Variants in NELL1 observed in about 807,000 individuals in gnomAD.
NELL1 encodes protein kinase C-binding protein NELL1.
A neutral mutation model predicts 107.4 loss-of-function variants in NELL1; 76 were observed. That is an observed-to-expected ratio of 0.71 (90% CI 0.59 to 0.86). NELL1 has a LOEUF of 0.86. Among genes scored for constraint, NELL1 ranks in the 40% least tolerant of loss-of-function variants. The pLI is 0.00. For missense variants in NELL1, 1,024 were observed against 1,005.5 expected (o/e 1.02, Z -0.25); for synonymous variants, 353 against 341.2 (o/e 1.03, Z -0.38).
At chr11:21,486,064 A>G (rs1340213336) in intron 15 of NELL1, among the ~76,000 whole-genome samples, 1 of 152,002 alleles carries the variant, frequency 6.6e-6, no homozygotes, top group Non-Finnish European at 1.5e-5. Context: ...TACTTCTGCC[A>G]TTGCCCACAA....
At chr11:21,113,749 C>T (rs1855161866) in intron 13 of NELL1, 35 bp downstream of exon 13, 1 of 1,602,208 alleles carries the variant, frequency 6.2e-7, no homozygotes, top group Non-Finnish European at 8.5e-7. Flanking sequence ...TTTTTTAATT[C>T]ATCCATTCTC....
At chr11:21,296,424 A>G (rs1456922943) in intron 14 of NELL1, among the ~76,000 whole-genome samples, 1 of 150,538 alleles carries the variant, frequency 6.6e-6, no homozygotes, top group African/African-American at 2.5e-5. Flanking sequence ...TCTGCATTAT[A>G]TGTATATATA....
intron 5 of NELL1, among the ~76,000 whole-genome samples, chr11:20,901,188 T>G (rs561174675): frequency 6.6e-6 from 1 of 152,180 alleles, no homozygotes; most frequent in African/African-American, 2.4e-5. Context: ...ATTGCCTATA[T>G]ATAAAAAATG....
intron 14 of NELL1, among the ~76,000 whole-genome samples, chr11:21,281,664 T>C (rs963433815): frequency 4.6e-5 from 7 of 151,916 alleles, no homozygotes; most frequent in African/African-American, 2.4e-5. Context: ...GCCACAGGGG[T>C]ACTTGTGTCA....
intron 14 of NELL1, among the ~76,000 whole-genome samples, chr11:21,336,277 A>G (rs1850393324): frequency 6.6e-6 from 1 of 152,012 alleles, no homozygotes; most frequent in Non-Finnish European, 1.5e-5. Context: ...TTAGCCAGGA[A>G]CTGTGCTAAG....
rs947540007 is a variant in NELL1 at position 21,034,058 on chromosome 11, T to C, written c.1300+73498T>C. Among the ~76,000 whole-genome samples, 17 of 152,344 alleles carry C rather than the reference T, an allele frequency of 1.1e-4. No individual in the cohort carries two copies. The East Asian group carries it at 3.1e-3, about 28-fold the overall frequency. ...TTTTTGTTTTTATTGCAGTTGCTTT[T>C]GGTGTCTTCATTATGAAACCTTTGC... On this transcript the variant is annotated intron_variant, in intron 12 of 19. Transcript: ENST00000357134.
intron 2 of NELL1, among the ~76,000 whole-genome samples, chr11:20,770,316 A>G (rs1856615107): frequency 6.6e-6 from 1 of 152,226 alleles, no homozygotes; most frequent in Non-Finnish European, 1.5e-5. Flanking sequence ...TACAGTCAGA[A>G]TAACATCTCT....
chr11:20,747,053 T>C (rs1171906922), intron 2 of NELL1, among the ~76,000 whole-genome samples: 1 of 152,190 alleles, frequency 6.6e-6, no homozygotes, highest in Non-Finnish European at 1.5e-5. Context: ...TGTTCACAAT[T>C]ACATGCCTGA....
intron 3 of NELL1, among the ~76,000 whole-genome samples, chr11:20,828,426 G>C (rs1857931641): frequency 6.6e-6 from 1 of 152,144 alleles, no homozygotes; most frequent in Non-Finnish European, 1.5e-5. Flanking sequence ...CCAGAAGAGA[G>C]TTAATAATTG....
chr11:21,055,393 G>A (rs1047087046), intron 12 of NELL1, among the ~76,000 whole-genome samples: 2 of 151,904 alleles, frequency 1.3e-5, no homozygotes, highest in African/African-American at 4.8e-5. Flanking sequence ...AATTGCATTA[G>A]ATTTATAAAT....
At chr11:21,174,353 A>G (rs1442816017) in intron 13 of NELL1, among the ~76,000 whole-genome samples, 1 of 151,898 alleles carries the variant, frequency 6.6e-6, no homozygotes, top group East Asian at 1.9e-4. Flanking sequence ...GTCTTCTAAC[A>G]TTTTAAGCTT....
chr11:20,756,061 T>A (rs1856278662), intron 2 of NELL1, among the ~76,000 whole-genome samples: 1 of 150,832 alleles, frequency 6.6e-6, no homozygotes, highest in Non-Finnish European at 1.5e-5. Context: ...CCCGGCTAAT[T>A]TTTTGTATTT....
At chr11:20,959,372 G>C (rs1402798315) in intron 11 of NELL1, among the ~76,000 whole-genome samples, 4 of 152,164 alleles carry the variant, frequency 2.6e-5, no homozygotes, top group Non-Finnish European at 5.9e-5. Context: ...ACACTTGCAC[G>C]TGCATGTTGA....
intron 15 of NELL1, among the ~76,000 whole-genome samples, chr11:21,451,831 G>A (rs1853595213): frequency 6.6e-6 from 1 of 152,118 alleles, no homozygotes; most frequent in Non-Finnish European, 1.5e-5. Flanking sequence ...GTCATGGCGA[G>A]ACAATGGTCA....
chr11:20,763,283 C>T (rs371528056), intron 2 of NELL1, among the ~76,000 whole-genome samples: 18 of 152,096 alleles, frequency 1.2e-4, no homozygotes, highest in Admixed American at 6.5e-4. Flanking sequence ...CTGTAGCCAC[C>T]GCATGTACCC....
chr11:20,797,427 G>A (rs540328093), intron 3 of NELL1, among the ~76,000 whole-genome samples: 19 of 152,044 alleles, frequency 1.2e-4, no homozygotes, highest in South Asian at 1.0e-3. Context: ...TTAGGTGGGC[G>A]TGGTGGCGGG....
At chr11:20,884,724 A>T (rs1201517460) in intron 4 of NELL1, among the ~76,000 whole-genome samples, 1 of 152,172 alleles carries the variant, frequency 6.6e-6, no homozygotes, top group Admixed American at 6.5e-5. Context: ...GCCTGTATGG[A>T]TCAGATGAGG....
intron 13 of NELL1, among the ~76,000 whole-genome samples, chr11:21,153,110 G>C (rs562642831): frequency 6.6e-6 from 1 of 152,152 alleles, no homozygotes; most frequent in Non-Finnish European, 1.5e-5. Flanking sequence ...CGTTCTTAGA[G>C]TAGATGGATT....
At chr11:20,923,032 C>A (rs1265653548) in intron 7 of NELL1, among the ~76,000 whole-genome samples, 1 of 151,958 alleles carries the variant, frequency 6.6e-6, no homozygotes, top group African/African-American at 2.4e-5. Context: ...GCACATCTTC[C>A]CCAGTGACTT....
Sources: allele counts gnomAD v4.1 joint callset (sites outside exome capture counted in the v4.1 genomes callset), GRCh38; gene constraint gnomAD v4.1.1; transcripts MANE v1.5; gene names NCBI Gene and HGNC (gene_info 2026-07-23, HGNC 2026-07-21).